TNNI3K: variants seen among roughly 807,000 people sequenced by gnomAD.
TNNI3K encodes the protein TNNI3 interacting kinase.
TNNI3K carries 140 observed loss-of-function variants against 114.5 expected under a neutral mutation model. The observed-to-expected ratio is 1.22, with a 90% CI of 1.07 to 1.41. TNNI3K has a LOEUF of 1.41. Among genes scored for constraint, TNNI3K ranks in the 40% most tolerant of loss-of-function variants. The pLI is 0.00. For missense variants in TNNI3K, 1,125 were observed against 1,007.6 expected (o/e 1.12, Z -1.58); for synonymous variants, 347 against 347.5 (o/e 1.00, Z 0.02).
chr1:74,326,153 T>G (rs1659889932), intron 5 of TNNI3K, among the ~76,000 whole-genome samples: 3 of 152,176 alleles, frequency 2.0e-5, no homozygotes, highest in Admixed American at 2.0e-4. Context: ...AAAGAAAAAT[T>G]TAATTTCCAA....
chr1:74,389,310 G>C (rs1346396124), intron 17 of TNNI3K, among the ~76,000 whole-genome samples: 1 of 152,174 alleles, frequency 6.6e-6, no homozygotes, highest in Non-Finnish European at 1.5e-5. Context: ...AAAATGGAAA[G>C]ATGTCAATCA....
chr1:74,405,299 T>C (rs1319301296), intron 17 of TNNI3K, among the ~76,000 whole-genome samples: 1 of 152,102 alleles, frequency 6.6e-6, no homozygotes, highest in Non-Finnish European at 1.5e-5. Flanking sequence ...GATATGAGTC[T>C]AAAAAAACCA....
At chr1:74,270,685 A>G (rs1656288468) in intron 4 of TNNI3K, among the ~76,000 whole-genome samples, 2 of 151,844 alleles carry the variant, frequency 1.3e-5, no homozygotes. Context: ...TATGTAAGTC[A>G]TAAATGCACT....
chr1:74,496,288 C>A (rs1023056487), intron 23 of TNNI3K, among the ~76,000 whole-genome samples: 29 of 152,270 alleles, frequency 1.9e-4, no homozygotes, highest in African/African-American at 6.7e-4. Flanking sequence ...CAAAGGGGAC[C>A]ATTTTGATGA....
At chr1:74,374,507 G>A (rs1015356985) in intron 17 of TNNI3K, 4 of 151,822 alleles carry the variant, frequency 2.6e-5, no homozygotes, top group South Asian at 2.1e-4. Context: ...TAGAAGGAGC[G>A]TACTGATGAT....
rs199698996 is a variant in TNNI3K at position 74,489,217 on chromosome 1, T to C, written c.2150T>C (p.Met717Thr). Reference sequence around the variant, plus strand: ...AGACCCGAATTTTCTGAAGTTGTCATGAAGTTAGAAGAGTGTCTCTGCAAC... The same window carrying C: ...AGACCCGAATTTTCTGAAGTTGTCACGAAGTTAGAAGAGTGTCTCTGCAAC... ...EGRPEFSEVV[M>T]KLEECLCNIE... Residue 717 changes from methionine (M) to threonine (T), a missense_variant, in exon 22 of 25, where the codon ATG (methionine) becomes ACG (threonine). Met to Thr is a moderately conservative substitution (Grantham distance 81). Transcript: ENST00000326637. 96 of 1,612,280 alleles carry C rather than the reference T, an allele frequency of 6.0e-5. No individual in the cohort carries two copies. Among genetic ancestry groups the C allele is most frequent in the Non-Finnish European group, 5.0e-5 (59 of 1,179,310 alleles).
chr1:74,434,373 C>T (rs1329028535), intron 17 of TNNI3K, among the ~76,000 whole-genome samples: 1 of 152,000 alleles, frequency 6.6e-6, no homozygotes, highest in Non-Finnish European at 1.5e-5. Context: ...ATTCATTTCC[C>T]CTTTGTCTCT....
chr1:74,391,955 T>C (rs1363869143), intron 17 of TNNI3K, among the ~76,000 whole-genome samples: 1 of 124,726 alleles, frequency 8.0e-6, no homozygotes, highest in East Asian at 2.1e-4. Flanking sequence ...GTACAGCTTA[T>C]TATTTTTTTT....
intron 16 of TNNI3K, 62 bp downstream of exon 16, chr1:74,369,647 T>C: frequency 6.8e-7 from 1 of 1,476,376 alleles, no homozygotes; most frequent in Non-Finnish European, 9.0e-7. Flanking sequence ...TTGCAATACT[T>C]CAGAGGGTTT....
At position 74,397,897 on chromosome 1, in the gene TNNI3K, A is replaced by G. The variant is rs1322591080; in HGVS notation, c.1772+27505A>G. Among the ~76,000 whole-genome samples, 18 of 152,262 alleles carry G rather than the reference A, an allele frequency of 1.2e-4. 1 individual carries two copies. The highest frequency in any genetic ancestry group is 1.2e-3 in the Admixed American group (18 of 15,290). On this transcript the variant is annotated intron_variant, in intron 17 of 24. Transcript: ENST00000326637. Reference sequence around the variant, plus strand: ...TAGGCCCTAAAGCTCCTAGAAGGCCAAGAAGGCGCTATATATAGTGATTCC... The same window carrying G: ...TAGGCCCTAAAGCTCCTAGAAGGCCGAGAAGGCGCTATATATAGTGATTCC...
At chr1:74,405,849 AC>A (rs2100600557) in intron 17 of TNNI3K, among the ~76,000 whole-genome samples, 1 of 152,308 alleles carries the variant, frequency 6.6e-6, no homozygotes, top group Admixed American at 6.5e-5. Context: ...CTAATCTGAA[AC>A]TTTTACATGT....
At chr1:74,523,511 TTA>T (rs1646463211) in intron 23 of TNNI3K, among the ~76,000 whole-genome samples, 1 of 128,308 alleles carries the variant, frequency 7.8e-6, no homozygotes, top group South Asian at 2.7e-4. Context: ...AGAGACTCAC[TTA>T]AAAAAAAAGG....
chr1:74,502,194 T>A (rs1036829222), intron 23 of TNNI3K, among the ~76,000 whole-genome samples: 2 of 152,176 alleles, frequency 1.3e-5, no homozygotes, highest in Admixed American at 6.5e-5. Context: ...TCTTTTATAT[T>A]CATACCCATA....
chr1:74,454,258 A>C (rs1173712090), intron 20 of TNNI3K, among the ~76,000 whole-genome samples: 1 of 152,122 alleles, frequency 6.6e-6, no homozygotes, highest in Non-Finnish European at 1.5e-5. Context: ...AAAACATACA[A>C]TAAATTATTG....
intron 17 of TNNI3K, among the ~76,000 whole-genome samples, chr1:74,422,441 G>T (rs1000253314): frequency 6.6e-6 from 1 of 151,948 alleles, no homozygotes; most frequent in Admixed American, 6.6e-5. Flanking sequence ...ATCTCACATT[G>T]CTAAAGAAGA....
chr1:74,349,699 G>A (rs1391609680), intron 9 of TNNI3K, among the ~76,000 whole-genome samples: 2 of 152,222 alleles, frequency 1.3e-5, no homozygotes, highest in East Asian at 3.9e-4. Flanking sequence ...TTTAGTCTTG[G>A]GAGAGTGTAT....
intron 5 of TNNI3K, among the ~76,000 whole-genome samples, chr1:74,294,604 C>T (rs1044094700): frequency 6.6e-6 from 1 of 151,948 alleles, no homozygotes. Context: ...AATGTTTTCA[C>T]TTCTTCCTAT....
intron 24 of TNNI3K, among the ~76,000 whole-genome samples, chr1:74,542,742 G>A (rs1301288849): frequency 2.0e-5 from 3 of 152,224 alleles, no homozygotes; most frequent in Non-Finnish European, 2.9e-5. Flanking sequence ...TCAAAGGGGA[G>A]CAAAAGCAGC....
Position 74,410,117 on chromosome 1 carries a change from A to G in TNNI3K, c.1773-25963A>G, listed in dbSNP as rs998104600. Among the ~76,000 whole-genome samples the G allele has an allele frequency of 3.7e-4, 56 of 152,236 alleles. 1 individual carries two copies. The highest frequency in any genetic ancestry group is 7.3e-5 in the Non-Finnish European group (5 of 68,042). ...AAATAATTATTGAGTGATGAATATAATACTGGAATTCTATATGACAAATTA... is the reference window on the plus strand; with the variant it reads ...AAATAATTATTGAGTGATGAATATAGTACTGGAATTCTATATGACAAATTA... On this transcript the variant is annotated intron_variant, in intron 17 of 24. Coordinates refer to ENST00000326637, the MANE Select transcript of TNNI3K (RefSeq NM_015978.3).
Sources: allele counts gnomAD v4.1 joint callset (sites outside exome capture counted in the v4.1 genomes callset), GRCh38; gene constraint gnomAD v4.1.1; transcripts MANE v1.5; gene names NCBI Gene and HGNC (gene_info 2026-07-23, HGNC 2026-07-21).